The following PALM2AKAP2 variants were observed in gnomAD, a reference collection of about 807,000 sequenced individuals.
PALM2AKAP2 encodes the protein PALM2-AKAP2 fusion protein.
PALM2AKAP2 carries 37 observed loss-of-function variants against 71.5 expected under a neutral mutation model. That is an observed-to-expected ratio of 0.52 (90% CI 0.40 to 0.68). The LOEUF (loss-of-function observed/expected upper bound fraction) is 0.68. PALM2AKAP2 is among the 30% of genes least tolerant of loss of function. The pLI, the probability that PALM2AKAP2 is intolerant of heterozygous loss-of-function variation, is 0.00. For missense variants in PALM2AKAP2, 1,224 were observed against 1,191.8 expected (o/e 1.03, Z -0.40); for synonymous variants, 468 against 478.8 (o/e 0.98, Z 0.29).
chr9:109,654,965 T>C (rs1320709141), intron 1 of PALM2AKAP2, among the ~76,000 whole-genome samples: 1 of 152,098 alleles, frequency 6.6e-6, no homozygotes, highest in Non-Finnish European at 1.5e-5. Context: ...CTTGTTACTC[T>C]CTCCCCACAT....
exon 2 of PALM2AKAP2, chr9:110,138,089 G>A: frequency 1.9e-6 from 3 of 1,614,108 alleles, no homozygotes; most frequent in Non-Finnish European, 2.5e-6. Context: ...TTTCGGCTCA[G>A]AAAAGCCTCA....
intron 1 of PALM2AKAP2, among the ~76,000 whole-genome samples, chr9:110,115,662 G>A (rs1835346014): frequency 6.6e-6 from 1 of 152,200 alleles, no homozygotes; most frequent in African/African-American, 2.4e-5. Flanking sequence ...CTTCACATGA[G>A]GCTTTGTGCT....
At chr9:109,950,898 AG>A in intron 6 of PALM2AKAP2, among the ~76,000 whole-genome samples, 1 of 152,380 alleles carries the variant, frequency 6.6e-6, no homozygotes, top group South Asian at 2.1e-4. Flanking sequence ...TTAAGTGGGC[AG>A]GGAGACATCC....
At chr9:109,834,932 T>C (rs573773309) in intron 1 of PALM2AKAP2, among the ~76,000 whole-genome samples, 2 of 152,260 alleles carry the variant, frequency 1.3e-5, no homozygotes, top group Non-Finnish European at 2.9e-5. Flanking sequence ...AGGATTCAGT[T>C]TGATTCCCCC....
chr9:110,078,596 G>A lies in PALM2AKAP2; in HGVS notation c.156+29741G>A, dbSNP rs75444595. 8.9e-4 allele frequency among the ~76,000 whole-genome samples: 135 copies of A among 152,256 alleles called. 2 individuals are homozygous for A. The East Asian group carries it at 0.019, about 21-fold the overall frequency. ...TTTTCAGATATTCTTAGTGTTTGTC[G>A]TGTATCAGTTTGTTATTTTATTTTC... On this transcript the variant is annotated intron_variant, in intron 1 of 3. Coordinates refer to ENST00000374525, the Ensembl canonical transcript of PALM2AKAP2.
intron 1 of PALM2AKAP2, among the ~76,000 whole-genome samples, chr9:109,812,276 A>G (rs530616117): frequency 1.3e-5 from 2 of 152,172 alleles, no homozygotes; most frequent in South Asian, 2.1e-4. Context: ...TGAGGGAGGG[A>G]CAACATGGAG....
intron 6 of PALM2AKAP2, among the ~76,000 whole-genome samples, chr9:109,938,808 C>T (rs567633263): frequency 6.6e-6 from 1 of 152,096 alleles, no homozygotes; most frequent in Non-Finnish European, 1.5e-5. Flanking sequence ...GAGGGTGGAT[C>T]GCTTGAGGTC....
intron 1 of PALM2AKAP2, among the ~76,000 whole-genome samples, chr9:109,810,291 G>T (rs549373275): frequency 6.4e-4 from 98 of 152,252 alleles, no homozygotes; most frequent in Non-Finnish European, 1.2e-3. Context: ...GTAGAGAAGA[G>T]GTCTGAGAAT....
chr9:109,709,182 G>A (rs1333095843), intron 1 of PALM2AKAP2, among the ~76,000 whole-genome samples: 1 of 152,150 alleles, frequency 6.6e-6, no homozygotes, highest in Non-Finnish European at 1.5e-5. Flanking sequence ...CCACATCCTG[G>A]GGCACTGTAG....
intron 1 of PALM2AKAP2, among the ~76,000 whole-genome samples, chr9:109,789,269 CA>C (rs1469080463): frequency 2.0e-4 from 30 of 152,292 alleles, no homozygotes; most frequent in African/African-American, 5.5e-4. Context: ...ATGAAGACAT[CA>C]AATAGCAGAT....
In PALM2AKAP2 at chr9:110,080,069, CAAAAAAAAAA is replaced by C. The variant is rs147710381; in HGVS notation, c.156+31231_156+31240del. Reference sequence around the variant, plus strand: ...TGGGTGACAGAGCGAGACTCTGTCTCAAAAAAAAAAAAAAAAAAAAAAAAAATAGAAGATT... The same window carrying C: ...TGGGTGACAGAGCGAGACTCTGTCTCAAAAAAAAAAAAAAAATAGAAGATT... On this transcript the variant is annotated intron_variant, in intron 1 of 3. Coordinates refer to ENST00000374525, the Ensembl canonical transcript of PALM2AKAP2. Among the ~76,000 whole-genome samples, 269 of 75,566 alleles carry C rather than the reference CAAAAAAAAAA, an allele frequency of 3.6e-3. 2 individuals are homozygous for C. Among genetic ancestry groups the C allele is most frequent in the African/African-American group, 0.014 (259 of 18,462 alleles). 49.6% of individuals were successfully genotyped at this position (75,566 alleles called of 152,430 possible). A position where few individuals can be genotyped will look rare whatever the true frequency, so the allele number is the denominator to read the frequency against.
chr9:109,977,540 T>C (rs551208691), intron 6 of PALM2AKAP2, among the ~76,000 whole-genome samples: 1 of 152,336 alleles, frequency 6.6e-6, no homozygotes, highest in African/African-American at 2.4e-5. Flanking sequence ...TGTTTCCTGA[T>C]GGTTCTCTAG....
chr9:109,644,061 A>C (rs1827112376), intron 1 of PALM2AKAP2, among the ~76,000 whole-genome samples: 1 of 152,072 alleles, frequency 6.6e-6, no homozygotes, highest in Non-Finnish European at 1.5e-5. Context: ...ATTGCGAGTG[A>C]ACACCAAGGC....
chr9:109,927,079 G>C (rs1424489395), intron 5 of PALM2AKAP2, among the ~76,000 whole-genome samples: 2 of 152,088 alleles, frequency 1.3e-5, no homozygotes, highest in East Asian at 3.9e-4. Context: ...CTCATTTCTT[G>C]GGAAGTGGCC....
At chr9:110,136,215 C>A in exon 2 of PALM2AKAP2, 1 of 1,614,156 alleles carries the variant, frequency 6.2e-7, no homozygotes, top group Non-Finnish European at 8.5e-7. Context: ...GCTGCCAGCT[C>A]TCTTTCCCCA....
intron 1 of PALM2AKAP2, among the ~76,000 whole-genome samples, chr9:109,840,971 G>C (rs1828645747): frequency 6.6e-6 from 1 of 152,174 alleles, no homozygotes; most frequent in Admixed American, 6.5e-5. Context: ...ATAGCTCAGG[G>C]ATCTAGAACT....
chr9:109,992,783 G>C lies in PALM2AKAP2; in HGVS notation c.497-23171G>C, dbSNP rs138918512. On this transcript the variant is annotated intron_variant, in intron 6 of 9. Transcript: ENST00000302798. ...TCTTCTGACCATAGCATTTCCTAAT[G>C]CTATGAGTCCTGTAGTAAATGACTC... 3.2e-3 allele frequency among the ~76,000 whole-genome samples: 489 copies of C among 152,028 alleles called. 3 individuals are homozygous for C. The highest frequency in any genetic ancestry group is 0.011 in the African/African-American group (451 of 41,444).
chr9:109,795,154 T>C (rs34450610), intron 1 of PALM2AKAP2, among the ~76,000 whole-genome samples: 27,222 of 152,174 alleles, frequency 0.18, 2,841 homozygotes, highest in East Asian at 0.34. Flanking sequence ...GCATCCTTGG[T>C]CTCTATCCAT....
intron 1 of PALM2AKAP2, among the ~76,000 whole-genome samples, chr9:109,714,963 C>T (rs957892793): frequency 1.3e-5 from 2 of 152,198 alleles, no homozygotes; most frequent in African/African-American, 4.8e-5. Context: ...AACTTCCTCA[C>T]AGCACTTGCA....
Sources: allele counts gnomAD v4.1 joint callset (sites outside exome capture counted in the v4.1 genomes callset), GRCh38; gene constraint gnomAD v4.1.1; transcripts MANE v1.5; gene names NCBI Gene and HGNC (gene_info 2026-07-23, HGNC 2026-07-21).